The following FGD4 variants were observed in gnomAD, a reference collection of about 807,000 sequenced individuals.
FGD4 encodes FYVE, RhoGEF and PH domain-containing protein 4.
A neutral mutation model predicts 102.0 loss-of-function variants in FGD4; 42 were observed. The observed-to-expected ratio is 0.41, with a 90% confidence interval of 0.32 to 0.53. The LOEUF is 0.53. FGD4 is among the 20% of genes least tolerant of loss of function. The pLI is 0.21. For missense variants in FGD4, 902 were observed against 1,078.2 expected, an observed-to-expected ratio of 0.84 and a Z score of 2.29; for synonymous variants, 380 against 375.7, an observed-to-expected ratio of 1.01 and a Z score of -0.13.
intron 1 of FGD4, among the ~76,000 whole-genome samples, chr12:32,478,561 T>C (rs1464034825): frequency 6.6e-6 from 1 of 152,260 alleles, no homozygotes; most frequent in East Asian, 1.9e-4. Context: ...CCGTTGTGCC[T>C]GGCTTCTTGT....
At chr12:32,541,573 C>T (rs1942833880) in intron 1 of FGD4, among the ~76,000 whole-genome samples, 1 of 152,098 alleles carries the variant, frequency 6.6e-6, no homozygotes, top group South Asian at 2.1e-4. Flanking sequence ...ACCACGTTGG[C>T]CAGGCTGGTG....
chr12:32,427,013 C>T (rs923599069), intron 1 of FGD4, among the ~76,000 whole-genome samples: 9 of 151,702 alleles, frequency 5.9e-5, no homozygotes, highest in African/African-American at 2.2e-4. Context: ...AAAAAACCAG[C>T]TCCTGGATTT....
chr12:32,441,303 A>G (rs1942427512), intron 1 of FGD4, among the ~76,000 whole-genome samples: 1 of 152,088 alleles, frequency 6.6e-6, no homozygotes, highest in Non-Finnish European at 1.5e-5. Context: ...CCCTCAGTGT[A>G]GTACCTGGGT....
chr12:32,459,951 C>T (rs1020682314), intron 1 of FGD4, among the ~76,000 whole-genome samples: 9 of 152,032 alleles, frequency 5.9e-5, no homozygotes, highest in Non-Finnish European at 1.0e-4. Flanking sequence ...AGTGATCCCC[C>T]CACCTCAGCC....
At chr12:32,537,029 C>T (rs184162953) in intron 1 of FGD4, among the ~76,000 whole-genome samples, 1 of 151,952 alleles carries the variant, frequency 6.6e-6, no homozygotes, top group South Asian at 2.1e-4. Context: ...CTGCCTCAGC[C>T]TCCCGAGTAG....
rs191689120 is a variant in FGD4 at position 32,471,338 on chromosome 12, A to G, written c.166+71379A>G. Among the ~76,000 whole-genome samples, 86 of 152,148 alleles carry G rather than the reference A, an allele frequency of 5.7e-4. 1 individual carries two copies. The highest frequency in any genetic ancestry group is 1.8e-3 in the African/African-American group (75 of 41,486). On this transcript the variant is annotated intron_variant, in intron 1 of 16. Transcript: ENST00000534526. ...TTCCCTAGTGAATTCCCTCTCATCC[A>G]TCCGTATCTCTCTCTATCTGATCTA... is the stretch of plus-strand genomic sequence containing the variant.
At chr12:32,636,786 G>A (rs538700018) in intron 15 of FGD4, among the ~76,000 whole-genome samples, 1 of 151,906 alleles carries the variant, frequency 6.6e-6, no homozygotes, top group Admixed American at 6.6e-5. Flanking sequence ...ACAGAAAATA[G>A]AAGCAAACCA....
intron 4 of FGD4, among the ~76,000 whole-genome samples, chr12:32,584,034 T>G (rs1373673039): frequency 6.6e-6 from 1 of 152,202 alleles, no homozygotes; most frequent in African/African-American, 2.4e-5. Flanking sequence ...TCACATATTA[T>G]TATGGATGCA....
intron 1 of FGD4, among the ~76,000 whole-genome samples, chr12:32,556,096 G>A (rs961635293): frequency 1.3e-5 from 2 of 151,900 alleles, no homozygotes; most frequent in Admixed American, 1.3e-4. Flanking sequence ...TCTCCGTGGC[G>A]TCCCTAAGTG....
intron 1 of FGD4, among the ~76,000 whole-genome samples, chr12:32,438,098 G>T (rs1406054205): frequency 6.6e-6 from 1 of 152,176 alleles, no homozygotes; most frequent in African/African-American, 2.4e-5. Flanking sequence ...CGCTGTGTTG[G>T]CCAGTCTGGT....
intron 1 of FGD4, among the ~76,000 whole-genome samples, chr12:32,526,105 G>A (rs1260003704): frequency 1.3e-5 from 2 of 152,242 alleles, no homozygotes; most frequent in African/African-American, 4.8e-5. Flanking sequence ...CCCCGGTGCG[G>A]GATCCACTAG....
rs769498179 is a variant in FGD4 at position 32,602,226 on chromosome 12, A to G, written c.1313A>G (p.Glu438Gly). The change falls in exon 7 of 17, where the codon GAA (glutamate) becomes GGA (glycine). Residue 438 changes from glutamate to glycine, a missense_variant. By Grantham distance (98) the Glu-to-Gly change is moderately conservative (BLOSUM62 -2). This residue lies in a region of FGD4 where 459 missense variants were observed against 619.0 expected (regional missense o/e 0.74). Coordinates refer to ENST00000534526, the MANE Select transcript of FGD4 (RefSeq NM_001370298.3). ...KLAPFLKMYG[E>G]YVKGFDNAME... ...GCACCATTCCTTAAGATGTATGGAGAATATGTGAAAGGATTTGATAATGCA... is the reference window on the plus strand; with the variant it reads ...GCACCATTCCTTAAGATGTATGGAGGATATGTGAAAGGATTTGATAATGCA... 7 of 1,614,112 alleles carry G rather than the reference A, an allele frequency of 4.3e-6. No homozygotes were observed. Among genetic ancestry groups the G allele is most frequent in the Non-Finnish European group, 3.4e-6 (4 of 1,179,984 alleles).
At chr12:32,505,807 C>G (rs1222187601) in intron 1 of FGD4, among the ~76,000 whole-genome samples, 1 of 152,116 alleles carries the variant, frequency 6.6e-6, no homozygotes, top group African/African-American at 2.4e-5. Flanking sequence ...CCTTCCTTGT[C>G]TGCCTAAATC....
chr12:32,634,552 A>G (rs534005904), intron 15 of FGD4, among the ~76,000 whole-genome samples: 53 of 152,230 alleles, frequency 3.5e-4, no homozygotes, highest in African/African-American at 1.2e-3. Flanking sequence ...TTTTACATCT[A>G]GAGATATTAA....
chr12:32,516,608 C>T (rs867749679), intron 1 of FGD4, among the ~76,000 whole-genome samples: 1 of 152,146 alleles, frequency 6.6e-6, no homozygotes, highest in African/African-American at 2.4e-5. Context: ...CATATGTAAA[C>T]TGTAAAATGT....
At chr12:32,567,033 C>T (rs1945245087) in intron 2 of FGD4, among the ~76,000 whole-genome samples, 1 of 152,192 alleles carries the variant, frequency 6.6e-6, no homozygotes, top group Non-Finnish European at 1.5e-5. Context: ...AATCTTCCTG[C>T]ACTTATCACC....
intron 1 of FGD4, among the ~76,000 whole-genome samples, chr12:32,453,250 T>A (rs1194653252): frequency 9.1e-5 from 12 of 132,036 alleles, no homozygotes; most frequent in Non-Finnish European, 1.4e-4. Context: ...TTTTTTTTTT[T>A]AAATGTAGAG....
chr12:32,520,243 T>C (rs1237875234), intron 1 of FGD4, among the ~76,000 whole-genome samples: 2 of 152,150 alleles, frequency 1.3e-5, no homozygotes, highest in Non-Finnish European at 2.9e-5. Context: ...TGCTGTATTG[T>C]GAAATATTTT....
At chr12:32,510,108 C>T (rs1939202603) in intron 1 of FGD4, among the ~76,000 whole-genome samples, 1 of 152,188 alleles carries the variant, frequency 6.6e-6, no homozygotes, top group Admixed American at 6.5e-5. Context: ...ATGTTTTTCA[C>T]ACCCATAATT....
Sources: gnomAD v4.1 joint callset for allele counts (sites outside exome capture counted in the v4.1 genomes callset) on GRCh38, gnomAD v4.1.1 for gene constraint, gnomAD v4.1.1 regional missense constraint, MANE v1.5 for transcripts, NCBI Gene and HGNC (gene_info 2026-07-23, HGNC 2026-07-21) for gene names.